MTNAP1: variants seen among roughly 807,000 people sequenced by gnomAD.
MTNAP1 encodes mitochondrial nucleoid associated protein 1.
chr17:73,235,777 G>T, the MTNAP1 span: 2 of 1,614,140 alleles, frequency 1.2e-6, no homozygotes. Context: ...GCCAGCTGTT[G>T]GTTTGGAAAG....
chr17:73,247,185 C>A, the MTNAP1 span: 1 of 1,510,916 alleles, frequency 6.6e-7, no homozygotes, highest in Non-Finnish European at 9.2e-7. Flanking sequence ...CGAGTAGTTG[C>A]GACAGAAACC....
chr17:73,233,479 C>T, the MTNAP1 span, among the ~76,000 whole-genome samples: 1 of 152,218 alleles, frequency 6.6e-6, no homozygotes, highest in Non-Finnish European at 1.5e-5. Flanking sequence ...GGACTGGCTT[C>T]ATTTGTGTGT....
the MTNAP1 span, chr17:73,236,625 A>G: frequency 6.2e-7 from 1 of 1,614,174 alleles, no homozygotes; most frequent in African/African-American, 1.3e-5. Context: ...CTCTAGCTAC[A>G]ACATTTCTTC....
the MTNAP1 span, among the ~76,000 whole-genome samples, chr17:73,240,871 A>G: frequency 1.8e-5 from 2 of 109,980 alleles, no homozygotes; most frequent in Non-Finnish European, 2.0e-5. Flanking sequence ...TCCAAGATGA[A>G]TGGGTTTTTT....
the MTNAP1 span, chr17:73,232,486 G>C: frequency 1.8e-6 from 1 of 567,124 alleles, no homozygotes; most frequent in Non-Finnish European, 3.0e-6. Flanking sequence ...ACAGCCAACG[G>C]AGGGTACGGT....
the MTNAP1 span, among the ~76,000 whole-genome samples, chr17:73,240,167 G>T: frequency 6.6e-6 from 1 of 152,176 alleles, no homozygotes; most frequent in Non-Finnish European, 1.5e-5. Context: ...AGGGAAAATA[G>T]AATTTTTTCT....
chr17:73,246,795 A>C, the MTNAP1 span, among the ~76,000 whole-genome samples: 340 of 152,326 alleles, frequency 2.2e-3, 9 homozygotes, highest in Middle Eastern at 0.014. Flanking sequence ...GAAGAGTTCT[A>C]CATTCAGTTA....
At chr17:73,244,880 A>C in the MTNAP1 span, among the ~76,000 whole-genome samples, 1 of 145,024 alleles carries the variant, frequency 6.9e-6, no homozygotes, top group African/African-American at 2.9e-5. Flanking sequence ...TGAGGAAAAG[A>C]AGTGCCTTTC....
chr17:73,239,032 G>T, the MTNAP1 span, among the ~76,000 whole-genome samples: 3 of 151,974 alleles, frequency 2.0e-5, no homozygotes, highest in Non-Finnish European at 4.4e-5. Context: ...CTGCCTCCTG[G>T]GTTCAAGCGA....
At chr17:73,233,756 C>T in the MTNAP1 span, among the ~76,000 whole-genome samples, 1 of 152,046 alleles carries the variant, frequency 6.6e-6, no homozygotes, top group Non-Finnish European at 1.5e-5. Flanking sequence ...CCCAGTAATC[C>T]CAGCCACGCG....
chr17:73,236,319 T>G, the MTNAP1 span: 1 of 1,614,084 alleles, frequency 6.2e-7, no homozygotes. Context: ...AATCCCTCAT[T>G]TTAAGCCTTA....
the MTNAP1 span, chr17:73,248,343 G>A: frequency 4.1e-6 from 3 of 727,318 alleles, no homozygotes; most frequent in Non-Finnish European, 7.0e-6. Context: ...ACAGAGCCAA[G>A]GAAAGAAAAA....
At chr17:73,235,681 G>A in the MTNAP1 span, 1 of 1,614,150 alleles carries the variant, frequency 6.2e-7, no homozygotes, top group Non-Finnish European at 8.5e-7. Flanking sequence ...TAAAGCTAAA[G>A]GGAAAGAGTT....
the MTNAP1 span, chr17:73,235,807 G>A: frequency 6.2e-7 from 1 of 1,614,180 alleles, no homozygotes; most frequent in East Asian, 2.2e-5. Context: ...TACAAAGGCA[G>A]ATAAAGACAT....
the MTNAP1 span, chr17:73,247,439 G>GGTA: frequency 1.6e-6 from 2 of 1,231,094 alleles, no homozygotes; most frequent in East Asian, 4.7e-5. Flanking sequence ...TAAGTGTAGT[G>GGTA]GTAGCATTAA....
At chr17:73,248,758 G>A in the MTNAP1 span, 5 of 507,480 alleles carry the variant, frequency 9.9e-6, no homozygotes, top group African/African-American at 5.8e-5. Flanking sequence ...TTAACCTCGG[G>A]GCGGCCTTGT....
At chr17:73,247,090 T>C in the MTNAP1 span, 1 of 670,028 alleles carries the variant, frequency 1.5e-6, no homozygotes, top group South Asian at 1.9e-5. Flanking sequence ...GCCTTGTTTT[T>C]GTATGTAGTC....
chr17:73,238,696 G>T, the MTNAP1 span, among the ~76,000 whole-genome samples: 1 of 152,008 alleles, frequency 6.6e-6, no homozygotes, highest in Non-Finnish European at 1.5e-5. Context: ...TTTATTTTGG[G>T]CACAAGGTGG....
chr17:73,235,533 A>G, the MTNAP1 span: 1 of 1,614,108 alleles, frequency 6.2e-7, no homozygotes, highest in Non-Finnish European at 8.5e-7. Flanking sequence ...GTAAGAAGCC[A>G]TTTAAACGAT....
Sources: allele counts gnomAD v4.1 joint callset (sites outside exome capture counted in the v4.1 genomes callset), GRCh38; gene constraint gnomAD v4.1.1; transcripts MANE v1.5; gene names NCBI Gene and HGNC (gene_info 2026-07-23, HGNC 2026-07-21).